The following LRBA variants were observed in gnomAD, a reference collection of about 807,000 sequenced individuals.
The protein encoded by LRBA is LPS responsive beige-like anchor protein.
A neutral mutation model predicts 330.0 loss-of-function variants in LRBA; 176 were observed. The observed-to-expected ratio is 0.53, with a 90% CI of 0.47 to 0.60. The LOEUF is 0.60. Among genes scored for constraint, LRBA ranks in the 20% least tolerant of loss-of-function variants. The pLI, the probability that LRBA is intolerant of heterozygous loss-of-function variation, is 0.00. For synonymous variants in LRBA, 1,230 were observed against 1,193.0 expected (o/e 1.03, Z -0.64); for missense variants, 3,259 against 3,444.8 (o/e 0.95, Z 1.35).
At chr4:150,787,219 CAA>C (rs1303754787) in intron 34 of LRBA, among the ~76,000 whole-genome samples, 6 of 115,392 alleles carry the variant, frequency 5.2e-5, no homozygotes, top group African/African-American at 3.2e-5. Flanking sequence ...GACTCCATCT[CAA>C]AAAAAAAAAA....
At chr4:150,448,657 C>A (rs182768894) in intron 44 of LRBA, among the ~76,000 whole-genome samples, 239 of 151,906 alleles carry the variant, frequency 1.6e-3, no homozygotes, top group African/African-American at 5.4e-3. Flanking sequence ...CAAAAATTAG[C>A]CAGGCATGGT....
intron 54 of LRBA, among the ~76,000 whole-genome samples, chr4:150,284,490 CT>C (rs1747912347): frequency 6.6e-6 from 1 of 152,152 alleles, no homozygotes; most frequent in East Asian, 1.9e-4. Flanking sequence ...AGTTTTACTA[CT>C]TTTTTCATGT....
chr4:150,824,087 G>C (rs1035377093), intron 30 of LRBA, among the ~76,000 whole-genome samples: 1 of 151,790 alleles, frequency 6.6e-6, no homozygotes, highest in Non-Finnish European at 1.5e-5. Flanking sequence ...TCATTTTGGG[G>C]GTCCTTTTTA....
intron 48 of LRBA, among the ~76,000 whole-genome samples, chr4:150,336,240 T>A (rs1216578391): frequency 6.6e-6 from 1 of 152,272 alleles, no homozygotes; most frequent in Admixed American, 6.5e-5. Flanking sequence ...TAAGAACAAC[T>A]TCAGTTGATA....
intron 2 of LRBA, among the ~76,000 whole-genome samples, chr4:150,969,206 C>T (rs1739246835): frequency 6.6e-6 from 1 of 152,166 alleles, no homozygotes; most frequent in Non-Finnish European, 1.5e-5. Flanking sequence ...TTTTGCAGCC[C>T]ATAGTTCAAA....
chr4:150,885,311 C>T (rs1321825889), intron 17 of LRBA, among the ~76,000 whole-genome samples: 1 of 151,802 alleles, frequency 6.6e-6, no homozygotes, highest in African/African-American at 2.4e-5. Context: ...AATAAACCAC[C>T]GAAGTGAAAG....
At chr4:151,008,481 T>A (rs1744391513) in intron 2 of LRBA, among the ~76,000 whole-genome samples, 1 of 152,026 alleles carries the variant, frequency 6.6e-6, no homozygotes, top group Admixed American at 6.6e-5. Context: ...CTGAGCATAC[T>A]CAGATAAGTC....
intron 40 of LRBA, among the ~76,000 whole-genome samples, chr4:150,559,620 T>G (rs1226761974): frequency 2.1e-5 from 2 of 96,920 alleles, no homozygotes; most frequent in African/African-American, 8.0e-5. Context: ...ATATATTGTA[T>G]TATTTTATAA....
chr4:150,629,669 T>C (rs1450420470), intron 37 of LRBA, among the ~76,000 whole-genome samples: 1 of 150,976 alleles, frequency 6.6e-6, no homozygotes, highest in Non-Finnish European at 1.5e-5. Context: ...AAAAGGTATA[T>C]AAAGAAATAC....
rs150398745 is a variant in LRBA, at chr4:150,838,864, G to T, written c.4569+5236C>A. 9.9e-4 allele frequency among the ~76,000 whole-genome samples: 151 copies of T among 152,164 alleles called. 1 individual carries two copies. Among genetic ancestry groups the T allele is most frequent in the Admixed American group, 9.8e-4 (15 of 15,258 alleles). ...GTGGCGTTCCTTTGGAGGGGGAGAG[G>T]TGCTCTGATTTTTTGAATTTTCAAA... On this transcript the variant is annotated intron_variant, in intron 28 of 56. Coordinates refer to ENST00000651943, the MANE Select transcript of LRBA (RefSeq NM_001364905.1).
At chr4:150,361,823 T>G (rs1298483595) in intron 47 of LRBA, among the ~76,000 whole-genome samples, 1 of 149,438 alleles carries the variant, frequency 6.7e-6, no homozygotes, top group Non-Finnish European at 1.5e-5. Flanking sequence ...CAGGCTGGAG[T>G]GCAGTGGCGT....
intron 46 of LRBA, among the ~76,000 whole-genome samples, chr4:150,417,021 G>T (rs1747865835): frequency 1.3e-5 from 2 of 152,028 alleles, no homozygotes; most frequent in African/African-American, 4.8e-5. Flanking sequence ...TTGTTTAACT[G>T]TAAAGCCTGT....
intron 37 of LRBA, among the ~76,000 whole-genome samples, chr4:150,668,599 C>A (rs1265989769): frequency 2.0e-5 from 3 of 152,156 alleles, no homozygotes; most frequent in Non-Finnish European, 4.4e-5. Flanking sequence ...AAGCTTGGAA[C>A]CTGTAATTCT....
rs371393960 is a variant in LRBA, at chr4:150,454,887, T to G, written c.6780+12786A>C. Among the ~76,000 whole-genome samples, 5 of 152,232 alleles carry G rather than the reference T, an allele frequency of 3.3e-5. No individual in the cohort carries two copies. In the South Asian group the frequency reaches 6.2e-4, roughly 19 times the overall value. The stretch of plus-strand genomic sequence containing the variant: ...CTTAGGATAATGACCTCCAGTTCCA[T>G]CCAAAAACTTTTATTTCTTATTATT... On this transcript the variant is annotated intron_variant, in intron 44 of 56. Coordinates refer to ENST00000651943, the MANE Select transcript of LRBA (RefSeq NM_001364905.1).
At chr4:150,587,689 T>C (rs1384667559) in intron 40 of LRBA, among the ~76,000 whole-genome samples, 1 of 151,940 alleles carries the variant, frequency 6.6e-6, no homozygotes, top group Non-Finnish European at 1.5e-5. Context: ...CCAGAAAACA[T>C]AAAGGCTAAA....
intron 41 of LRBA, among the ~76,000 whole-genome samples, chr4:150,489,025 AAT>A (rs1169167207): frequency 1.7e-5 from 2 of 115,040 alleles, no homozygotes; most frequent in African/African-American, 7.0e-5. Flanking sequence ...TATATATAAG[AAT>A]ATATATTATA....
At chr4:150,780,396 C>A (rs1737999754) in intron 34 of LRBA, among the ~76,000 whole-genome samples, 1 of 151,852 alleles carries the variant, frequency 6.6e-6, no homozygotes, top group South Asian at 2.1e-4. Flanking sequence ...AAGCTTTGGT[C>A]TCTGAATTTA....
chr4:150,685,236 T>C (rs1783431849), intron 36 of LRBA, among the ~76,000 whole-genome samples: 1 of 150,466 alleles, frequency 6.6e-6, no homozygotes, highest in East Asian at 2.0e-4. Flanking sequence ...CCAACCCCTA[T>C]GAGACTTTTT....
At chr4:150,950,793 T>C (rs1736753787) in intron 2 of LRBA, among the ~76,000 whole-genome samples, 1 of 152,188 alleles carries the variant, frequency 6.6e-6, no homozygotes, top group Admixed American at 6.5e-5. Context: ...GACAAGAAAG[T>C]CTCAGTACCT....
Sources: gnomAD v4.1 joint callset for allele counts (sites outside exome capture counted in the v4.1 genomes callset) on GRCh38, gnomAD v4.1.1 for gene constraint, MANE v1.5 for transcripts, NCBI Gene and HGNC (gene_info 2026-07-23, HGNC 2026-07-21) for gene names.